MATR3: variants seen among roughly 807,000 people sequenced by gnomAD.
The protein encoded by MATR3 is matrin 3, also known as matrin-3.
In MATR3, 4 loss-of-function variants were observed where a neutral mutation model predicts 85.5. The observed-to-expected ratio is 0.05, with a 90% CI of 0.02 to 0.11. The LOEUF (loss-of-function observed/expected upper bound fraction) is 0.11, where lower values mean the gene tolerates loss of function less well. Ranked by LOEUF, MATR3 falls within the 10% of genes least tolerant of loss-of-function variation. The pLI, the probability that MATR3 is intolerant of heterozygous loss-of-function variation, is 1.00. For missense variants in MATR3, 685 were observed against 1,016.1 expected (o/e 0.67, Z 4.43); for synonymous variants, 336 against 343.1 (o/e 0.98, Z 0.23).
intron 2 of MATR3, chr5:139,311,169 C>T (rs1754952034): frequency 6.6e-6 from 1 of 152,180 alleles, no homozygotes; most frequent in African/African-American, 2.4e-5. Context: ...CCCACTACAG[C>T]ACTTTGGCTG....
At chr5:139,314,966 ATT>A (rs1258697740) in intron 3 of MATR3, 2 of 459,616 alleles carry the variant, frequency 4.4e-6, no homozygotes, top group African/African-American at 4.0e-5. Flanking sequence ...ATACATATAT[ATT>A]GGTCATTATA....
chr5:139,331,386 C>T lies in MATR3; in HGVS notation c.*1991C>T, dbSNP rs771535195. 4.6e-5 allele frequency: 21 copies of T among 453,994 alleles called. No homozygotes were observed. The highest frequency in any genetic ancestry group is 3.1e-5 in the Non-Finnish European group (7 of 226,798). The allele number at this position is 453,994 out of a possible 1,614,324, so 28.1% of individuals were successfully genotyped here. ...AATGGAGTTCTTCAGTGTTTCCTTT[C>T]AGTGATGGCTTTTTCATAGCTTCAA... is the stretch of plus-strand genomic sequence containing the variant. On this transcript the variant is annotated 3_prime_UTR_variant, in exon 15 of 15. Coordinates refer to ENST00000394805, the MANE Select transcript of MATR3 (RefSeq NM_018834.6).
At chr5:139,278,421 A>G (rs1753379873) in intron 2 of MATR3, 2 of 449,774 alleles carry the variant, frequency 4.4e-6, no homozygotes. Context: ...AAATATCCCT[A>G]TTCATTCCAA....
intron 9 of MATR3, 136 bp downstream of exon 9, chr5:139,319,637 C>G: frequency 1.4e-6 from 1 of 710,786 alleles, no homozygotes; most frequent in East Asian, 2.8e-5. Context: ...CACCTGAGGT[C>G]AGGAGTTCGA....
intron 2 of MATR3, chr5:139,311,269 C>G (rs1364142535): frequency 1.3e-5 from 2 of 152,058 alleles, no homozygotes; most frequent in Non-Finnish European, 2.9e-5. Context: ...TATAAGGTAT[C>G]TCAGATACAT....
chr5:139,317,478 AGTT>A, intron 6 of MATR3, 115 bp from the exon 7 acceptor site: 5 of 985,618 alleles, frequency 5.1e-6, no homozygotes, highest in Non-Finnish European at 7.9e-6. Context: ...GAATGTTATG[AGTT>A]GTTTTACTTA....
At chr5:139,301,132 A>G (rs1055544921) in intron 1 of MATR3, among the ~76,000 whole-genome samples, 1 of 152,080 alleles carries the variant, frequency 6.6e-6, no homozygotes, top group Admixed American at 6.6e-5. Flanking sequence ...TCGAGTCTTT[A>G]TGGCCTTATG....
At chr5:139,277,021 A>G (rs1239668705) in intron 2 of MATR3, among the ~76,000 whole-genome samples, 1 of 152,166 alleles carries the variant, frequency 6.6e-6, no homozygotes, top group Non-Finnish European at 1.5e-5. Flanking sequence ...TCAGAAATGA[A>G]CAGTTGTTGC....
At chr5:139,276,208 C>T in intron 2 of MATR3, 1 of 456,684 alleles carries the variant, frequency 2.2e-6, no homozygotes. Flanking sequence ...CCTAGGTTGT[C>T]TTGTACCTAG....
At chr5:139,317,213 C>T in intron 6 of MATR3, 108 bp downstream of exon 6, 1 of 1,087,746 alleles carries the variant, frequency 9.2e-7, no homozygotes, top group Non-Finnish European at 1.4e-6. Context: ...GGGAACATTG[C>T]TGTAATTTGA....
chr5:139,275,798 C>G (rs1301623566), intron 1 of MATR3, among the ~76,000 whole-genome samples: 2 of 152,090 alleles, frequency 1.3e-5, no homozygotes, highest in African/African-American at 4.8e-5. Context: ...AGAGAAAGAC[C>G]CTGTAATATA....
intron 1 of MATR3, among the ~76,000 whole-genome samples, chr5:139,275,722 C>G (rs1294564721): frequency 6.6e-6 from 1 of 152,198 alleles, no homozygotes; most frequent in Non-Finnish European, 1.5e-5. Flanking sequence ...AGGAGAATCA[C>G]TTGAGCCCAG....
rs1049743056 is a variant in MATR3 at position 139,317,468 on chromosome 5, G to A, written c.1183-128G>A. ...TGATATGTAGCTTTAAAATTCTCTAGAATGTTATGAGTTGTTTTACTTACA... is the reference window on the plus strand; with the variant it reads ...TGATATGTAGCTTTAAAATTCTCTAAAATGTTATGAGTTGTTTTACTTACA... On this transcript the variant is annotated intron_variant, in intron 6 of 14. Transcript: ENST00000394805. 29 of 928,956 alleles carry A rather than the reference G, an allele frequency of 3.1e-5. No individual in the cohort carries two copies. In the East Asian group the frequency reaches 7.1e-4, roughly 23 times the overall value. 57.5% of individuals were successfully genotyped at this position (928,956 alleles called of 1,614,324 possible).
At chr5:139,312,819 T>C (rs1755057943) in intron 2 of MATR3, 1 of 151,934 alleles carries the variant, frequency 6.6e-6, no homozygotes, top group African/African-American at 2.4e-5. Flanking sequence ...GCCTGGCTAA[T>C]TTTTGTATTT....
chr5:139,328,970 A>G (rs1581266949), intron 14 of MATR3, among the ~76,000 whole-genome samples: 1 of 151,914 alleles, frequency 6.6e-6, no homozygotes, highest in African/African-American at 2.4e-5. Context: ...ACGACACTGC[A>G]CTCCAGCCTG....
At chr5:139,325,801 T>TTATAAATCTTAATTGATATATTTTCCTC in intron 13 of MATR3, 139 bp downstream of exon 13, 1 of 740,758 alleles carries the variant, frequency 1.3e-6, no homozygotes, top group Non-Finnish European at 2.3e-6. Flanking sequence ...GGGGAACAAT[T>TTATAAATCTTAATTGATATATTTTCCTC]TATAAATCTT....
At chr5:139,301,472 A>T (rs1754437274) in intron 1 of MATR3, among the ~76,000 whole-genome samples, 1 of 152,082 alleles carries the variant, frequency 6.6e-6, no homozygotes, top group African/African-American at 2.4e-5. Context: ...GGCGTGTGCC[A>T]CCACACCCGG....
chr5:139,323,751 G>A (rs527390726), intron 12 of MATR3, among the ~76,000 whole-genome samples: 19 of 152,236 alleles, frequency 1.2e-4, no homozygotes, highest in South Asian at 2.1e-4. Flanking sequence ...AAAATTAGCC[G>A]GGCGTGGTGG....
intron 1 of MATR3, among the ~76,000 whole-genome samples, chr5:139,306,040 A>C (rs1219195419): frequency 6.6e-6 from 1 of 152,206 alleles, no homozygotes; most frequent in Admixed American, 6.5e-5. Context: ...GTGATCAAAA[A>C]ATAGAAAATT....
Sources: allele counts gnomAD v4.1 joint callset (sites outside exome capture counted in the v4.1 genomes callset), GRCh38; gene constraint gnomAD v4.1.1; transcripts MANE v1.5; gene names NCBI Gene and HGNC (gene_info 2026-07-23, HGNC 2026-07-21).